GALNT2: variants seen among roughly 807,000 people sequenced by gnomAD.
GALNT2 encodes polypeptide N-acetylgalactosaminyltransferase 2, also known as UDP-GalNAc:polypeptide N-acetylgalactosaminyltransferase 2.
A neutral mutation model predicts 81.4 loss-of-function variants in GALNT2; 31 were observed. The ratio of observed to expected loss-of-function variants is 0.38; its 90% CI spans 0.29 to 0.51. The LOEUF is 0.51. GALNT2 is among the 20% of genes least tolerant of loss of function. The probability of loss-of-function intolerance (pLI) is 0.87; values close to 1 mark genes in which losing one functional copy is unlikely to be tolerated. For missense variants in GALNT2, 629 were observed against 765.7 expected (o/e 0.82, Z 2.11); for synonymous variants, 303 against 287.4 (o/e 1.05, Z -0.55).
At chr1:230,132,513 GTTTTCCTGCAGGGCCAGGCC>G (rs1456967226) in intron 1 of GALNT2, among the ~76,000 whole-genome samples, 1 of 152,188 alleles carries the variant, frequency 6.6e-6, no homozygotes, top group Non-Finnish European at 1.5e-5. Context: ...TCTTCCTTTG[GTTTTCCTGCAGGGCCAGGCC>G]TTGCTGAGAA....
At chr1:230,162,341 T>C (rs1662461526) in intron 1 of GALNT2, among the ~76,000 whole-genome samples, 1 of 152,246 alleles carries the variant, frequency 6.6e-6, no homozygotes, top group Non-Finnish European at 1.5e-5. Context: ...TCTGAGAATT[T>C]AGCATTCCGG....
intron 2 of GALNT2, among the ~76,000 whole-genome samples, chr1:230,197,191 G>A (rs1406736248): frequency 6.6e-6 from 1 of 152,054 alleles, no homozygotes; most frequent in East Asian, 1.9e-4. Context: ...TTATTTCCAG[G>A]TGTTTCTTGG....
intron 3 of GALNT2, among the ~76,000 whole-genome samples, chr1:230,211,843 G>A (rs1296321932): frequency 6.6e-6 from 1 of 152,176 alleles, no homozygotes; most frequent in Non-Finnish European, 1.5e-5. Flanking sequence ...TACTTCTGAT[G>A]ATGTCGTATA....
chr1:230,248,752 C>T (rs1272450379), intron 8 of GALNT2, among the ~76,000 whole-genome samples: 1 of 152,164 alleles, frequency 6.6e-6, no homozygotes, highest in Non-Finnish European at 1.5e-5. Context: ...AGCCTCGTTC[C>T]CTCCCCAGCA....
At chr1:230,265,563 C>T (rs1396905462) in intron 14 of GALNT2, among the ~76,000 whole-genome samples, 196 bp downstream of exon 14, 1 of 152,220 alleles carries the variant, frequency 6.6e-6, no homozygotes, top group Non-Finnish European at 1.5e-5. Flanking sequence ...CACTTTGGTG[C>T]ATCAGCTCTG....
chr1:230,226,383 C>T (rs764749332), intron 3 of GALNT2, among the ~76,000 whole-genome samples: 2 of 152,150 alleles, frequency 1.3e-5, no homozygotes, highest in African/African-American at 4.8e-5. Flanking sequence ...CCCCTGCCAC[C>T]GAATATCTGT....
chr1:230,155,121 C>T (rs183752997), intron 1 of GALNT2, among the ~76,000 whole-genome samples: 100 of 152,288 alleles, frequency 6.6e-4, no homozygotes, highest in African/African-American at 2.1e-3. Context: ...ACCCCGTTTC[C>T]GCGTGCAGTT....
chr1:230,186,150 T>C (rs1313716880), intron 2 of GALNT2, among the ~76,000 whole-genome samples: 1 of 152,224 alleles, frequency 6.6e-6, no homozygotes, highest in African/African-American at 2.4e-5. Context: ...AAGTGTTTGC[T>C]TTGCTGGCAA....
chr1:230,261,371 C>T (rs929481497), intron 11 of GALNT2, among the ~76,000 whole-genome samples: 5 of 152,142 alleles, frequency 3.3e-5, no homozygotes, highest in African/African-American at 4.8e-5. Flanking sequence ...TTGAAAGTTT[C>T]GCCATTTTAA....
chr1:230,216,461 T>A (rs1664392462), intron 3 of GALNT2, among the ~76,000 whole-genome samples: 2 of 152,208 alleles, frequency 1.3e-5, no homozygotes, highest in Admixed American at 6.5e-5. Context: ...ACATATACTT[T>A]GGAGTTGTCT....
intron 1 of GALNT2, among the ~76,000 whole-genome samples, chr1:230,094,355 A>G (rs1279771341): frequency 6.6e-6 from 1 of 151,362 alleles, no homozygotes; most frequent in Non-Finnish European, 1.5e-5. Context: ...CCGGGGTGGC[A>G]GCTCATGCCT....
At chr1:230,188,716 C>T (rs1391846125) in intron 2 of GALNT2, among the ~76,000 whole-genome samples, 1 of 152,166 alleles carries the variant, frequency 6.6e-6, no homozygotes. Context: ...CTCTGTGACC[C>T]TTGCTTCTAT....
Position 230,212,347 on chromosome 1 carries a change from G to C in GALNT2, c.374+9057G>C, listed in dbSNP as rs1664259686. 3.3e-5 allele frequency among the ~76,000 whole-genome samples: 5 copies of C among 152,186 alleles called. No homozygotes were observed. The South Asian group carries it at 1.0e-3, about 31-fold the overall frequency. On this transcript the variant is annotated intron_variant, in intron 3 of 15. Coordinates refer to ENST00000366672, the MANE Select transcript of GALNT2 (RefSeq NM_004481.5). ...AAGAGATGGGTGTTGGTAACTTGCA[G>C]CCAAACAACCTCCTAAGGGAAGCTG...
chr1:230,210,820 G>T (rs1664211172), intron 3 of GALNT2, among the ~76,000 whole-genome samples: 1 of 152,190 alleles, frequency 6.6e-6, no homozygotes. Context: ...ACTCTCACTG[G>T]AATGTCAGTA....
intron 1 of GALNT2, among the ~76,000 whole-genome samples, chr1:230,085,854 G>A (rs1659883444): frequency 6.6e-6 from 1 of 152,236 alleles, no homozygotes; most frequent in Non-Finnish European, 1.5e-5. Context: ...GACTTCTGGT[G>A]TAGACGTTGG....
intron 1 of GALNT2, among the ~76,000 whole-genome samples, chr1:230,170,913 G>C (rs1662772941): frequency 6.6e-6 from 1 of 152,088 alleles, no homozygotes; most frequent in Admixed American, 6.5e-5. Context: ...TCCAACATTG[G>C]GGATCACATT....
chr1:230,095,194 C>T (rs1047758562), intron 1 of GALNT2, among the ~76,000 whole-genome samples: 7 of 152,042 alleles, frequency 4.6e-5, no homozygotes, highest in Admixed American at 1.3e-4. Context: ...AGCAGACCCG[C>T]GGGGCTGTGA....
chr1:230,107,767 CAG>C (rs1482564090), intron 1 of GALNT2, among the ~76,000 whole-genome samples: 5 of 152,088 alleles, frequency 3.3e-5, no homozygotes, highest in African/African-American at 4.8e-5. Flanking sequence ...ATAATTAAAA[CAG>C]AAATCTTCCT....
At chr1:230,121,105 ACGCAATGAT>A (rs1371554402) in intron 1 of GALNT2, among the ~76,000 whole-genome samples, 2 of 152,198 alleles carry the variant, frequency 1.3e-5, no homozygotes, top group African/African-American at 4.8e-5. Flanking sequence ...AGGATGTTTA[ACGCAATGAT>A]CTCCAGCCAG....
Sources: allele counts gnomAD v4.1 joint callset (sites outside exome capture counted in the v4.1 genomes callset), GRCh38; gene constraint gnomAD v4.1.1; transcripts MANE v1.5; gene names NCBI Gene and HGNC (gene_info 2026-07-23, HGNC 2026-07-21).